The following FBXL7 variants were observed in gnomAD, a reference collection of about 807,000 sequenced individuals.
FBXL7 encodes the protein F-box/LRR-repeat protein 7.
A neutral mutation model predicts 38.3 loss-of-function variants in FBXL7; 12 were observed. The observed-to-expected ratio is 0.31, with a 90% CI of 0.20 to 0.51. The LOEUF is 0.51. FBXL7 is among the 20% of genes least tolerant of loss of function. The pLI, the probability that FBXL7 is intolerant of heterozygous loss-of-function variation, is 0.98. For missense variants in FBXL7, 567 were observed against 676.4 expected (o/e 0.84, Z 1.79); for synonymous variants, 297 against 300.9 (o/e 0.99, Z 0.13).
chr5:15,686,504 T>C (rs1743020743), intron 2 of FBXL7, among the ~76,000 whole-genome samples: 1 of 152,200 alleles, frequency 6.6e-6, no homozygotes, highest in African/African-American at 2.4e-5. Flanking sequence ...CCCTCTTATC[T>C]GAGTTAGGGA....
intron 2 of FBXL7, among the ~76,000 whole-genome samples, chr5:15,726,601 GA>G (rs1744364385): frequency 6.6e-6 from 1 of 151,900 alleles, no homozygotes; most frequent in African/African-American, 2.4e-5. Flanking sequence ...TAAGGTGGAA[GA>G]ATCACTTGAA....
intron 1 of FBXL7, among the ~76,000 whole-genome samples, chr5:15,586,179 G>T (rs1739296892): frequency 6.6e-6 from 1 of 152,008 alleles, no homozygotes; most frequent in Non-Finnish European, 1.5e-5. Context: ...AGAGCTTGAG[G>T]TTTGGGAGCC....
intron 2 of FBXL7, among the ~76,000 whole-genome samples, chr5:15,703,540 A>G (rs2126635317): frequency 6.6e-6 from 1 of 152,346 alleles, no homozygotes; most frequent in South Asian, 2.1e-4. Flanking sequence ...TGCATGCATA[A>G]AACAACTTGG....
At chr5:15,614,392 C>T (rs1428996876) in intron 1 of FBXL7, among the ~76,000 whole-genome samples, 1 of 151,858 alleles carries the variant, frequency 6.6e-6, no homozygotes, top group Non-Finnish European at 1.5e-5. Flanking sequence ...GCCGCAGACT[C>T]CCGAGTAGCT....
At chr5:15,833,907 T>A (rs1003776860) in intron 2 of FBXL7, among the ~76,000 whole-genome samples, 2 of 152,190 alleles carry the variant, frequency 1.3e-5, no homozygotes, top group African/African-American at 4.8e-5. Context: ...GAAACACATA[T>A]TTAAGTAACA....
At chr5:15,559,403 C>T (rs1159126313) in intron 1 of FBXL7, among the ~76,000 whole-genome samples, 1 of 152,108 alleles carries the variant, frequency 6.6e-6, no homozygotes, top group Non-Finnish European at 1.5e-5. Flanking sequence ...GCACATGTAT[C>T]TGTGTGAGTG....
chr5:15,845,425 A>G (rs1738866818), intron 2 of FBXL7, among the ~76,000 whole-genome samples: 1 of 151,896 alleles, frequency 6.6e-6, no homozygotes. Context: ...CCAACCCCTG[A>G]CCCCTAGCCA....
At chr5:15,661,671 T>A (rs1742079947) in intron 2 of FBXL7, among the ~76,000 whole-genome samples, 1 of 152,208 alleles carries the variant, frequency 6.6e-6, no homozygotes, top group African/African-American at 2.4e-5. Flanking sequence ...ACCCAGTAGT[T>A]ATATTTTCTG....
intron 2 of FBXL7, among the ~76,000 whole-genome samples, chr5:15,872,027 C>A (rs542202608): frequency 6.6e-6 from 1 of 152,196 alleles, no homozygotes; most frequent in South Asian, 2.1e-4. Flanking sequence ...ATGTTAAGGG[C>A]AGCCAGAGAG....
chr5:15,724,155 G>T (rs1490733756), intron 2 of FBXL7, among the ~76,000 whole-genome samples: 1 of 152,056 alleles, frequency 6.6e-6, no homozygotes, highest in Non-Finnish European at 1.5e-5. Context: ...ACACCTTTAT[G>T]ATATTGATTT....
At chr5:15,718,769 TCTC>T (rs1163905304) in intron 2 of FBXL7, among the ~76,000 whole-genome samples, 2 of 152,210 alleles carry the variant, frequency 1.3e-5, no homozygotes, top group Non-Finnish European at 2.9e-5. Context: ...AACATTAAAA[TCTC>T]CTGGAGCTTC....
chr5:15,522,118 A>C (rs1190904438), intron 1 of FBXL7, among the ~76,000 whole-genome samples: 1 of 152,196 alleles, frequency 6.6e-6, no homozygotes, highest in Non-Finnish European at 1.5e-5. Flanking sequence ...GAATATGTTT[A>C]AAACTTTGGG....
intron 2 of FBXL7, among the ~76,000 whole-genome samples, chr5:15,764,545 A>G (rs1400263943): frequency 1.3e-5 from 2 of 152,190 alleles, no homozygotes; most frequent in Admixed American, 1.3e-4. Flanking sequence ...ATGAGGAGGG[A>G]TAGGAGTTAG....
At chr5:15,571,892 A>G in intron 1 of FBXL7, among the ~76,000 whole-genome samples, 1 of 152,128 alleles carries the variant, frequency 6.6e-6, no homozygotes. Flanking sequence ...GGGGTGGTTC[A>G]GACTGTGGCA....
intron 1 of FBXL7, among the ~76,000 whole-genome samples, chr5:15,613,217 G>A (rs1561051879): frequency 1.3e-5 from 2 of 152,172 alleles, no homozygotes; most frequent in African/African-American, 4.8e-5. Flanking sequence ...GAGCTGCTAG[G>A]AATCATTTTT....
intron 1 of FBXL7, among the ~76,000 whole-genome samples, chr5:15,560,221 A>G (rs1057368393): frequency 1.3e-5 from 2 of 152,186 alleles, no homozygotes; most frequent in African/African-American, 4.8e-5. Context: ...GACCTTAATA[A>G]TACTTAATAT....
chr5:15,751,858 A>T (rs1405946925), intron 2 of FBXL7, among the ~76,000 whole-genome samples: 1 of 152,222 alleles, frequency 6.6e-6, no homozygotes, highest in African/African-American at 2.4e-5. Flanking sequence ...AACTGGGTGC[A>T]TAATAATTAC....
intron 1 of FBXL7, among the ~76,000 whole-genome samples, chr5:15,607,917 T>G (rs1740084172): frequency 6.6e-6 from 1 of 152,232 alleles, no homozygotes; most frequent in Non-Finnish European, 1.5e-5. Flanking sequence ...GCGAGGAAAT[T>G]AAAGAAGGCA....
At chr5:15,844,836 G>A (rs1000166382) in intron 2 of FBXL7, among the ~76,000 whole-genome samples, 6 of 152,140 alleles carry the variant, frequency 3.9e-5, no homozygotes, top group Admixed American at 2.0e-4. Context: ...CTGTACAAGG[G>A]ATAAATCTCA....
Sources: gnomAD v4.1 joint callset for allele counts (sites outside exome capture counted in the v4.1 genomes callset) on GRCh38, gnomAD v4.1.1 for gene constraint, MANE v1.5 for transcripts, NCBI Gene and HGNC (gene_info 2026-07-23, HGNC 2026-07-21) for gene names.